The following TLL2 variants were observed in gnomAD, a reference collection of about 807,000 sequenced individuals.
TLL2 encodes tolloid-like protein 2.
In TLL2, 106 loss-of-function variants were observed where a neutral mutation model predicts 123.0. That is an observed-to-expected ratio of 0.86 (90% CI 0.74 to 1.01). The LOEUF (loss-of-function observed/expected upper bound fraction) is 1.01, where lower values mean the gene tolerates loss of function less well. Among genes scored for constraint, TLL2 ranks in the 50% least tolerant of loss-of-function variants. The pLI, the probability that TLL2 is intolerant of heterozygous loss-of-function variation, is 0.00. For synonymous variants in TLL2, 494 were observed against 516.8 expected (o/e 0.96, Z 0.60); for missense variants, 1,332 against 1,336.7 (o/e 1.00, Z 0.06).
At chr10:96,489,811 T>C (rs1847393359) in intron 1 of TLL2, among the ~76,000 whole-genome samples, 1 of 152,018 alleles carries the variant, frequency 6.6e-6, no homozygotes. Flanking sequence ...AAATAACATA[T>C]CTCAGCCGGG....
chr10:96,381,870 A>G (rs1329255156), intron 16 of TLL2, among the ~76,000 whole-genome samples: 2 of 152,174 alleles, frequency 1.3e-5, no homozygotes, highest in Non-Finnish European at 2.9e-5. Context: ...ATGCATGGAG[A>G]TGGAACTCTG....
chr10:96,370,402 C>A, intron 19 of TLL2, 87 bp from the exon 20 acceptor site: 3 of 1,461,668 alleles, frequency 2.1e-6, no homozygotes. Flanking sequence ...TCTACAGAGC[C>A]TGGTGCGTGC....
chr10:96,442,109 A>T (rs1276589967), intron 3 of TLL2, among the ~76,000 whole-genome samples: 1 of 152,138 alleles, frequency 6.6e-6, no homozygotes, highest in East Asian at 1.9e-4. Context: ...CTGAGCTCTC[A>T]TCTCCAGAGG....
At chr10:96,459,669 CAAAAAAAAAAA>C (rs1165594084) in intron 2 of TLL2, among the ~76,000 whole-genome samples, 11 of 24,438 alleles carry the variant, frequency 4.5e-4, no homozygotes, top group African/African-American at 1.6e-3. Context: ...GATCCTGTTT[CAAAAAAAAAAA>C]AAAAAAAAAA....
intron 1 of TLL2, among the ~76,000 whole-genome samples, chr10:96,492,805 T>C (rs150459919): frequency 2.0e-5 from 3 of 152,186 alleles, no homozygotes; most frequent in African/African-American, 7.2e-5. Flanking sequence ...TTTCCCAACA[T>C]AGTTGCTTCT....
chr10:96,510,751 G>T (rs1847620898), intron 1 of TLL2, among the ~76,000 whole-genome samples: 1 of 152,198 alleles, frequency 6.6e-6, no homozygotes, highest in Non-Finnish European at 1.5e-5. Context: ...TTACCAGTTT[G>T]TTCAGCTTCT....
At chr10:96,503,158 C>T (rs1331038765) in intron 1 of TLL2, among the ~76,000 whole-genome samples, 2 of 152,134 alleles carry the variant, frequency 1.3e-5, no homozygotes, top group Non-Finnish European at 2.9e-5. Context: ...AATAAATTAT[C>T]ACTTGCCACA....
At chr10:96,472,573 G>A (rs1317023523) in intron 2 of TLL2, among the ~76,000 whole-genome samples, 1 of 151,766 alleles carries the variant, frequency 6.6e-6, no homozygotes, top group South Asian at 2.1e-4. Flanking sequence ...ACCAGCCTGG[G>A]AAACAACATG....
At chr10:96,501,476 C>A (rs1382626323) in intron 1 of TLL2, among the ~76,000 whole-genome samples, 2 of 152,238 alleles carry the variant, frequency 1.3e-5, no homozygotes, top group African/African-American at 4.8e-5. Flanking sequence ...CTAAGCATCA[C>A]AGGTCTTCAC....
chr10:96,372,031 CTTGTCCCTTTA>C (rs1846088775), intron 19 of TLL2, among the ~76,000 whole-genome samples: 1 of 152,162 alleles, frequency 6.6e-6, no homozygotes, highest in African/African-American at 2.4e-5. Context: ...CCCTTTGTAA[CTTGTCCCTTTA>C]TTAACTTCTC....
Position 96,395,777 on chromosome 10 carries a change from C to A in TLL2, c.1530+98G>T, listed in dbSNP as rs188629642. ...GGGCTTGAGAATAGCCTCTTAGGTTCCTGTTTTTAGCCAAAAATGAAAACC... is the reference window on the plus strand; with the variant it reads ...GGGCTTGAGAATAGCCTCTTAGGTTACTGTTTTTAGCCAAAAATGAAAACC... On this transcript the variant is annotated intron_variant, in intron 12 of 20. Coordinates refer to ENST00000357947, the MANE Select transcript of TLL2 (RefSeq NM_012465.4). The A allele has an allele frequency of 3.2e-5, 47 of 1,484,246 alleles. No individual in the cohort carries two copies. The African/African-American group carries it at 3.6e-4, about 11-fold the overall frequency. The allele number at this position is 1,484,246 out of a possible 1,614,324, so 91.9% of individuals were successfully genotyped here. A position where few individuals can be genotyped will look rare whatever the true frequency, so the allele number is the denominator to read the frequency against.
intron 10 of TLL2, among the ~76,000 whole-genome samples, chr10:96,403,791 C>T (rs974995648): frequency 1.6e-4 from 24 of 151,414 alleles, no homozygotes; most frequent in Non-Finnish European, 2.8e-4. Flanking sequence ...CTGAATGTCT[C>T]GGTATAAAAC....
intron 5 of TLL2, among the ~76,000 whole-genome samples, chr10:96,424,207 GA>G (rs901613829): frequency 4.0e-5 from 6 of 148,722 alleles, no homozygotes; most frequent in East Asian, 2.0e-4. Flanking sequence ...AATGGGTAAA[GA>G]AAAAAAAATG....
chr10:96,375,691 G>T (rs11188738), intron 18 of TLL2, among the ~76,000 whole-genome samples: 61,486 of 151,902 alleles, frequency 0.4, 12,897 homozygotes, highest in East Asian at 0.65. Flanking sequence ...ACCCCTCGAC[G>T]CCCTGGGGGC....
chr10:96,492,439 C>T (rs776464956), intron 1 of TLL2, among the ~76,000 whole-genome samples: 2 of 152,188 alleles, frequency 1.3e-5, no homozygotes, highest in Admixed American at 1.3e-4. Context: ...GCCTGACCAA[C>T]ATGGTGAAAA....
At chr10:96,412,876 C>T (rs1713799567) in intron 8 of TLL2, among the ~76,000 whole-genome samples, 1 of 152,198 alleles carries the variant, frequency 6.6e-6, no homozygotes, top group Admixed American at 6.5e-5. Context: ...ATGGGGCACA[C>T]ACTGCATTAC....
chr10:96,397,133 A>G, intron 11 of TLL2, 53 bp downstream of exon 11: 1 of 1,504,412 alleles, frequency 6.6e-7, no homozygotes, highest in Non-Finnish European at 9.1e-7. Flanking sequence ...GCTGCCTGGG[A>G]AGGACAGAGC....
intron 1 of TLL2, among the ~76,000 whole-genome samples, chr10:96,488,876 A>T (rs536814412): frequency 6.6e-6 from 1 of 152,370 alleles, no homozygotes; most frequent in African/African-American, 2.4e-5. Flanking sequence ...GGAAGGAAGA[A>T]GAAACTGCCC....
At chr10:96,423,287 C>T (rs1336804384) in intron 5 of TLL2, among the ~76,000 whole-genome samples, 1 of 152,134 alleles carries the variant, frequency 6.6e-6, no homozygotes, top group African/African-American at 2.4e-5. Flanking sequence ...ACAAAAGATA[C>T]GGTCTCTCTC....
Sources: gnomAD v4.1 joint callset for allele counts (sites outside exome capture counted in the v4.1 genomes callset) on GRCh38, gnomAD v4.1.1 for gene constraint, MANE v1.5 for transcripts, NCBI Gene and HGNC (gene_info 2026-07-23, HGNC 2026-07-21) for gene names.